Variants in SGCD observed in about 807,000 individuals in gnomAD.
SGCD encodes delta-sarcoglycan.
Under a neutral mutation model 36.6 loss-of-function variants are expected in SGCD, and 18 were observed. The ratio of observed to expected loss-of-function variants is 0.49; its 90% CI spans 0.34 to 0.73. SGCD has a LOEUF of 0.73. Among genes scored for constraint, SGCD ranks in the 30% least tolerant of loss-of-function variants. SGCD has a pLI of 0.01. For synonymous variants in SGCD, 133 were observed against 130.6 expected (o/e 1.02, Z -0.12); for missense variants, 387 against 346.7 (o/e 1.12, Z -0.92).
chr5:155,957,891 C>T (rs1004832832), intron 1 of SGCD, among the ~76,000 whole-genome samples: 3 of 152,174 alleles, frequency 2.0e-5, no homozygotes, highest in Admixed American at 2.0e-4. Flanking sequence ...AACATGAGTA[C>T]GTCATTCACA....
At chr5:156,340,539 C>A (rs943553929) in intron 2 of SGCD, among the ~76,000 whole-genome samples, 1 of 152,306 alleles carries the variant, frequency 6.6e-6, no homozygotes, top group South Asian at 2.1e-4. Context: ...AACCACTAAG[C>A]CAACTTCTTC....
At chr5:156,489,517 T>C (rs1408922278) in intron 3 of SGCD, among the ~76,000 whole-genome samples, 4 of 152,050 alleles carry the variant, frequency 2.6e-5, no homozygotes, top group African/African-American at 9.7e-5. Context: ...AAATCAAACA[T>C]ATCTTGCATC....
chr5:156,240,808 C>A (rs1443000129), intron 3 of SGCD, among the ~76,000 whole-genome samples: 1 of 152,034 alleles, frequency 6.6e-6, no homozygotes, highest in Non-Finnish European at 1.5e-5. Context: ...CAGTCAGCAA[C>A]AATTTGAGTT....
chr5:156,037,907 C>T (rs937093070), intron 1 of SGCD, among the ~76,000 whole-genome samples: 1 of 152,062 alleles, frequency 6.6e-6, no homozygotes, highest in Non-Finnish European at 1.5e-5. Flanking sequence ...CTACAGGGTG[C>T]AGGGAGAAGG....
chr5:156,275,331 G>T (rs1380990057), intron 3 of SGCD, among the ~76,000 whole-genome samples: 4 of 152,106 alleles, frequency 2.6e-5, no homozygotes, highest in Non-Finnish European at 5.9e-5. Context: ...TATGTATGAT[G>T]ATTTTTCTCA....
At chr5:156,492,476 T>G (rs892541282) in intron 3 of SGCD, among the ~76,000 whole-genome samples, 3 of 151,772 alleles carry the variant, frequency 2.0e-5, no homozygotes, top group Admixed American at 6.6e-5. Context: ...CAGGAAAAAA[T>G]CCTCCCCTAC....
At chr5:155,761,724 T>A in the SGCD span, among the ~76,000 whole-genome samples, 2 of 135,072 alleles carry the variant, frequency 1.5e-5, no homozygotes, top group Non-Finnish European at 3.2e-5. Flanking sequence ...TCCATCATCT[T>A]CACCATTGCC....
In SGCD at chr5:155,885,186, C is replaced by T. The variant is rs1030909357; in HGVS notation, c.-282+14762C>T. 4.3e-5 allele frequency among the ~76,000 whole-genome samples: 5 copies of T among 116,152 alleles called. 1 individual carries two copies. Among genetic ancestry groups the T allele is most frequent in the Non-Finnish European group, 8.3e-5 (5 of 60,594 alleles). 76.2% of individuals were successfully genotyped at this position (116,152 alleles called of 152,430 possible). A position where few individuals can be genotyped will look rare whatever the true frequency, so the allele number is the denominator to read the frequency against. ...ACTTTTTGGTCATTCAGTAAACAGC[C>T]AATAATTCCTTAGGTACTAGATGTT... is the stretch of plus-strand genomic sequence containing the variant. On this transcript the variant is annotated intron_variant, in intron 1 of 9. Transcript: ENST00000517913.
chr5:156,538,958 A>G (rs1445808404), intron 4 of SGCD, among the ~76,000 whole-genome samples: 4 of 152,098 alleles, frequency 2.6e-5, no homozygotes, highest in Non-Finnish European at 4.4e-5. Flanking sequence ...TACTGAAGGG[A>G]TGTGTGCATT....
rs995560152 is a variant in SGCD, at chr5:156,757,858, T to A, written c.699+154T>A. ...TGAAACAATTAATTGAGCAGCATGA[T>A]TATAAGCCAAACCCACAATCCATCA... On this transcript the variant is annotated intron_variant, in intron 8 of 8. Transcript: ENST00000337851. The A allele has an allele frequency of 2.3e-5, 31 of 1,321,640 alleles. No homozygotes were observed. In the African/African-American group the frequency reaches 3.7e-4, roughly 16 times the overall value. 81.9% of individuals were successfully genotyped at this position (1,321,640 alleles called of 1,614,324 possible). A position where few individuals can be genotyped will look rare whatever the true frequency, so the allele number is the denominator to read the frequency against.
At chr5:155,877,340 G>A (rs1237857867) in intron 1 of SGCD, among the ~76,000 whole-genome samples, 1 of 152,156 alleles carries the variant, frequency 6.6e-6, no homozygotes, top group Non-Finnish European at 1.5e-5. Context: ...AAATGAGTGT[G>A]AAGAATACTT....
intron 3 of SGCD, among the ~76,000 whole-genome samples, chr5:156,264,082 T>C (rs554844320): frequency 6.8e-4 from 103 of 152,164 alleles, no homozygotes; most frequent in Admixed American, 1.8e-3. Flanking sequence ...AGTTAGGAAA[T>C]AGAGAGGACA....
intron 1 of SGCD, among the ~76,000 whole-genome samples, chr5:155,938,082 C>A (rs1000786556): frequency 1.3e-5 from 2 of 152,202 alleles, no homozygotes; most frequent in Admixed American, 6.5e-5. Context: ...ATGCACATAC[C>A]TGCACATACA....
chr5:156,059,509 G>T (rs1207922296), intron 1 of SGCD, among the ~76,000 whole-genome samples: 1 of 146,366 alleles, frequency 6.8e-6, no homozygotes, highest in Non-Finnish European at 1.5e-5. Flanking sequence ...GTGGCAGCTG[G>T]ATTTATCTGT....
chr5:156,063,571 G>A (rs1296001268), intron 1 of SGCD, among the ~76,000 whole-genome samples: 2 of 110,208 alleles, frequency 1.8e-5, no homozygotes, highest in Admixed American at 1.7e-4. Context: ...CATGAGCATG[G>A]AATGTTCTTC....
chr5:156,467,080 T>C (rs1392805162), intron 3 of SGCD, among the ~76,000 whole-genome samples: 1 of 152,130 alleles, frequency 6.6e-6, no homozygotes, highest in Admixed American at 6.5e-5. Context: ...ACTCTGTTAA[T>C]GTAGTGTGAA....
chr5:155,948,602 T>A (rs1017228216), intron 1 of SGCD, among the ~76,000 whole-genome samples: 3 of 152,166 alleles, frequency 2.0e-5, no homozygotes, highest in Non-Finnish European at 4.4e-5. Context: ...TAAGCGGCAA[T>A]CCTTCTGTAA....
intron 3 of SGCD, among the ~76,000 whole-genome samples, chr5:156,389,600 A>G (rs76025225): frequency 0.014 from 2,075 of 152,178 alleles, 22 homozygotes; most frequent in Non-Finnish European, 0.023. Flanking sequence ...AGGGTTTCAG[A>G]ATGAAACTGT....
chr5:156,716,341 C>G (rs1755222824), intron 7 of SGCD, among the ~76,000 whole-genome samples: 1 of 152,196 alleles, frequency 6.6e-6, no homozygotes, highest in African/African-American at 2.4e-5. Flanking sequence ...GGAACTGAGG[C>G]TAGAAATCTC....
Sources: gnomAD v4.1 joint callset for allele counts (sites outside exome capture counted in the v4.1 genomes callset) on GRCh38, gnomAD v4.1.1 for gene constraint, MANE v1.5 for transcripts, NCBI Gene and HGNC (gene_info 2026-07-23, HGNC 2026-07-21) for gene names.